ZBTB20: variants seen among roughly 807,000 people sequenced by gnomAD.
ZBTB20 encodes zinc finger and BTB domain containing 20, also known as zinc finger and BTB domain-containing protein 20.
A neutral mutation model predicts 56.9 loss-of-function variants in ZBTB20; 9 were observed. The observed-to-expected ratio is 0.16, with a 90% CI of 0.10 to 0.28. The LOEUF (loss-of-function observed/expected upper bound fraction) is 0.28, where lower values mean the gene tolerates loss of function less well. Among genes scored for constraint, ZBTB20 ranks in the 10% least tolerant of loss-of-function variants. The probability of loss-of-function intolerance (pLI) is 1.00; values close to 1 mark genes in which losing one functional copy is unlikely to be tolerated. For missense variants in ZBTB20, 655 were observed against 1,003.0 expected (o/e 0.65, Z 4.69); for synonymous variants, 417 against 420.7 (o/e 0.99, Z 0.11).
chr3:114,951,193 A>C (rs1406423277), intron 3 of ZBTB20, among the ~76,000 whole-genome samples: 1 of 152,170 alleles, frequency 6.6e-6, no homozygotes, highest in Non-Finnish European at 1.5e-5. Flanking sequence ...TATTTCATTT[A>C]AAAATTATCT....
intron 5 of ZBTB20, among the ~76,000 whole-genome samples, chr3:114,781,543 G>A: frequency 6.6e-6 from 1 of 152,168 alleles, no homozygotes; most frequent in East Asian, 1.9e-4. Flanking sequence ...CCTTAGTGTG[G>A]TTTCTTTAGA....
chr3:114,756,100 AT>A (rs1211105343), intron 5 of ZBTB20, among the ~76,000 whole-genome samples: 2 of 151,784 alleles, frequency 1.3e-5, no homozygotes, highest in African/African-American at 2.4e-5. Context: ...ATTTATGTTT[AT>A]TTTTTCATTG....
intron 4 of ZBTB20, among the ~76,000 whole-genome samples, chr3:114,872,270 T>A (rs1272858716): frequency 1.8e-4 from 27 of 152,128 alleles, no homozygotes; most frequent in Non-Finnish European, 1.8e-4. Flanking sequence ...CCACAACCCT[T>A]GTACTCAAGA....
chr3:114,975,023 C>T (rs1428285306), intron 2 of ZBTB20, among the ~76,000 whole-genome samples: 2 of 152,252 alleles, frequency 1.3e-5, no homozygotes, highest in African/African-American at 4.8e-5. Flanking sequence ...CTTAATATTT[C>T]CTGTTTTAGC....
chr3:115,034,845 A>C (rs866925481), intron 2 of ZBTB20, among the ~76,000 whole-genome samples: 2 of 152,022 alleles, frequency 1.3e-5, no homozygotes, highest in Admixed American at 6.6e-5. Flanking sequence ...TACAGTAATC[A>C]AAACAGCACG....
At chr3:115,000,742 C>T (rs547246335) in intron 2 of ZBTB20, among the ~76,000 whole-genome samples, 138 of 151,650 alleles carry the variant, frequency 9.1e-4, no homozygotes, top group African/African-American at 3.3e-3. Flanking sequence ...TTACCAGGTT[C>T]CAAATGCTAT....
At chr3:114,581,586 C>T (rs575278437) in intron 6 of ZBTB20, among the ~76,000 whole-genome samples, 6 of 151,394 alleles carry the variant, frequency 4.0e-5, no homozygotes, top group African/African-American at 1.5e-4. Context: ...TCAAGCCAAA[C>T]AAAACTCTTC....
At chr3:114,782,996 T>G (rs1019453418) in intron 5 of ZBTB20, among the ~76,000 whole-genome samples, 4 of 152,174 alleles carry the variant, frequency 2.6e-5, no homozygotes, top group African/African-American at 9.6e-5. Context: ...AAAAATTCAT[T>G]TATTCATGAA....
At chr3:115,103,309 C>G (rs1006893852) in intron 1 of ZBTB20, among the ~76,000 whole-genome samples, 15 of 152,174 alleles carry the variant, frequency 9.9e-5, no homozygotes, top group African/African-American at 3.6e-4. Flanking sequence ...CAATCCCAAT[C>G]AAAATCCCAG....
chr3:114,577,262 T>TA (rs2054177685), intron 6 of ZBTB20, among the ~76,000 whole-genome samples: 1 of 151,266 alleles, frequency 6.6e-6, no homozygotes, highest in Non-Finnish European at 1.5e-5. Context: ...CCATATAAAT[T>TA]TAAAAAAAAA....
chr3:114,827,181 T>C (rs528936672), intron 4 of ZBTB20, among the ~76,000 whole-genome samples: 1 of 151,800 alleles, frequency 6.6e-6, no homozygotes, highest in South Asian at 2.1e-4. Flanking sequence ...ATAGCTAAGA[T>C]CAGGCTTGCT....
intron 7 of ZBTB20, among the ~76,000 whole-genome samples, chr3:114,393,393 T>C (rs1026758319): frequency 1.3e-5 from 2 of 152,256 alleles, no homozygotes; most frequent in African/African-American, 4.8e-5. Flanking sequence ...TGATTTACAT[T>C]GTGCATTTTA....
chr3:114,690,421 T>A (rs376040309), intron 6 of ZBTB20, among the ~76,000 whole-genome samples: 1 of 152,154 alleles, frequency 6.6e-6, no homozygotes, highest in Admixed American at 6.6e-5. Flanking sequence ...ACATCACTAC[T>A]GAATAGTCAC....
At position 114,482,494 on chromosome 3, in the gene ZBTB20, A is replaced by G. The variant is rs142118558; in HGVS notation, c.-255+17858T>C. On this transcript the variant is annotated intron_variant, in intron 7 of 11. Transcript: ENST00000675478. The stretch of plus-strand genomic sequence containing the variant: ...GATTTTTAATGGGTCAGTCACTCTT[A>G]AATTTTAAGCAAACTGTAGATTTTC... Among the ~76,000 whole-genome samples, 80 of 152,366 alleles carry G rather than the reference A, an allele frequency of 5.3e-4. 2 individuals carry two copies. Among genetic ancestry groups the G allele is most frequent in the Admixed American group, 1.2e-3 (18 of 15,304 alleles).
intron 3 of ZBTB20, among the ~76,000 whole-genome samples, chr3:114,910,957 C>T (rs1184693771): frequency 1.3e-5 from 2 of 152,008 alleles, no homozygotes; most frequent in Non-Finnish European, 2.9e-5. Context: ...GTTTAGAGTT[C>T]ACTAAGCTTC....
intron 6 of ZBTB20, among the ~76,000 whole-genome samples, chr3:114,535,337 C>T (rs1375709384): frequency 2.6e-5 from 4 of 152,108 alleles, no homozygotes; most frequent in African/African-American, 9.7e-5. Flanking sequence ...GAAATACAAA[C>T]TACCATCAGA....
At chr3:114,903,442 G>A (rs972147130) in intron 3 of ZBTB20, among the ~76,000 whole-genome samples, 1 of 151,998 alleles carries the variant, frequency 6.6e-6, no homozygotes, top group East Asian at 1.9e-4. Context: ...AAGGAGTAAG[G>A]AGATAAAGAA....
chr3:114,920,907 T>C (rs2075932461), intron 3 of ZBTB20, among the ~76,000 whole-genome samples: 2 of 151,996 alleles, frequency 1.3e-5, no homozygotes, highest in Admixed American at 6.6e-5. Context: ...AAATGGACAA[T>C]TAAAATGATA....
chr3:114,558,870 T>G (rs571242831), intron 6 of ZBTB20, among the ~76,000 whole-genome samples: 4 of 152,178 alleles, frequency 2.6e-5, no homozygotes, highest in African/African-American at 9.6e-5. Flanking sequence ...CCTAGCTCAC[T>G]TGAGCCTCAA....
Sources: gnomAD v4.1 joint callset for allele counts (sites outside exome capture counted in the v4.1 genomes callset) on GRCh38, gnomAD v4.1.1 for gene constraint, MANE v1.5 for transcripts, NCBI Gene and HGNC (gene_info 2026-07-23, HGNC 2026-07-21) for gene names.